The following ZBTB44 variants were observed in gnomAD, a reference collection of about 807,000 sequenced individuals.
ZBTB44 encodes zinc finger and BTB domain containing 44.
Under a neutral mutation model 54.0 loss-of-function variants are expected in ZBTB44, and 15 were observed. The observed-to-expected ratio is 0.28, with a 90% CI of 0.19 to 0.43. ZBTB44 has a LOEUF of 0.43. Ranked by LOEUF, ZBTB44 falls within the 20% of genes least tolerant of loss-of-function variation. The pLI is 1.00. For synonymous variants in ZBTB44, 230 were observed against 250.1 expected (o/e 0.92, Z 0.76); for missense variants, 487 against 707.1 (o/e 0.69, Z 3.53).
intron 2 of ZBTB44, among the ~76,000 whole-genome samples, chr11:130,242,918 CACT>C (rs1162212349): frequency 1.3e-5 from 2 of 152,170 alleles, no homozygotes; most frequent in Middle Eastern, 3.2e-3. Context: ...CAGTTTCCAC[CACT>C]GTGTCTCTCT....
intron 7 of ZBTB44, chr11:130,233,097 T>G (rs1327965273): frequency 1.7e-5 from 8 of 481,864 alleles, no homozygotes; most frequent in Non-Finnish European, 2.5e-5. Context: ...CAACAACACA[T>G]AAACCTATAT....
chr11:130,314,030 G>GA (rs1565346868), intron 1 of ZBTB44, among the ~76,000 whole-genome samples: 3 of 151,336 alleles, frequency 2.0e-5, no homozygotes, highest in South Asian at 2.1e-4. Context: ...GGGAAAGGAG[G>GA]AAAAAAAACA....
chr11:130,255,236 A>T (rs1373892168), intron 2 of ZBTB44, among the ~76,000 whole-genome samples: 1 of 152,104 alleles, frequency 6.6e-6, no homozygotes, highest in Non-Finnish European at 1.5e-5. Flanking sequence ...ATAATAATAT[A>T]ATAATAAAAG....
chr11:130,248,542 G>A lies in ZBTB44; in HGVS notation c.1019-8646C>T, dbSNP rs560689095. Among the ~76,000 whole-genome samples, 6 of 152,252 alleles carry A rather than the reference G, an allele frequency of 3.9e-5. No individual in the cohort carries two copies. The East Asian group carries it at 5.8e-4, about 15-fold the overall frequency. ...TGTAATCCCAGCTACTTGGGAGGCT[G>A]AGGCAGGACAATTACTTGAACTCAG... On this transcript the variant is annotated intron_variant, in intron 2 of 7. Coordinates refer to ENST00000357899, the MANE Select transcript of ZBTB44 (RefSeq NM_001301098.2).
chr11:130,295,869 A>T (rs1941610388), intron 1 of ZBTB44: 4 of 1,432,048 alleles, frequency 2.8e-6, no homozygotes, highest in Middle Eastern at 2.4e-4. Context: ...TTAAGGAGCT[A>T]AAGACTCACC....
intron 1 of ZBTB44, among the ~76,000 whole-genome samples, chr11:130,304,978 C>G (rs1438739346): frequency 6.6e-6 from 1 of 152,086 alleles, no homozygotes; most frequent in East Asian, 1.9e-4. Flanking sequence ...AGCCGAGAAT[C>G]AAATCAAGAA....
intron 1 of ZBTB44, among the ~76,000 whole-genome samples, chr11:130,270,295 T>C (rs767038948): frequency 3.3e-5 from 5 of 152,152 alleles, no homozygotes; most frequent in Non-Finnish European, 5.9e-5. Flanking sequence ...TTAAAACCCA[T>C]GAAGGACAGA....
At chr11:130,306,756 T>G (rs1262130325) in intron 1 of ZBTB44, among the ~76,000 whole-genome samples, 1 of 151,504 alleles carries the variant, frequency 6.6e-6, no homozygotes, top group Non-Finnish European at 1.5e-5. Context: ...TTGGATGGAG[T>G]TGTAAGCCAT....
In ZBTB44 at chr11:130,234,318, C is replaced by T. The variant is rs1190436748; in HGVS notation, c.1569-45G>A. 8 of 1,477,056 alleles carry T rather than the reference C, an allele frequency of 5.4e-6. No homozygotes were observed. Among genetic ancestry groups the T allele is most frequent in the Admixed American group, 5.1e-5 (2 of 38,950 alleles). 91.5% of individuals were successfully genotyped at this position (1,477,056 alleles called of 1,614,324 possible). A position where few individuals can be genotyped will look rare whatever the true frequency, so the allele number is the denominator to read the frequency against. Reference sequence around the variant, plus strand: ...TGAAATATGGAATTAATTTTCAAACCAGTAATAGATAAGCAACAGTAAAAA... The same window carrying T: ...TGAAATATGGAATTAATTTTCAAACTAGTAATAGATAAGCAACAGTAAAAA... On this transcript the variant is annotated intron_variant, in intron 5 of 7. Transcript: ENST00000357899.
chr11:130,293,746 A>T (rs150080866), intron 1 of ZBTB44, among the ~76,000 whole-genome samples: 739 of 152,034 alleles, frequency 4.9e-3, no homozygotes, highest in Non-Finnish European at 7.0e-3. Flanking sequence ...CCGTGGGCCA[A>T]GACTGCACCA....
intron 1 of ZBTB44, among the ~76,000 whole-genome samples, chr11:130,263,826 C>A (rs1418366419): frequency 6.6e-6 from 1 of 152,158 alleles, no homozygotes; most frequent in Non-Finnish European, 1.5e-5. Context: ...CATTCTACTT[C>A]CCTGCTTACT....
intron 2 of ZBTB44, among the ~76,000 whole-genome samples, chr11:130,249,791 C>T (rs1218567704): frequency 6.6e-6 from 1 of 152,168 alleles, no homozygotes; most frequent in African/African-American, 2.4e-5. Context: ...TCGTGTGCTA[C>T]ATCACTAGGG....
intron 1 of ZBTB44, among the ~76,000 whole-genome samples, chr11:130,303,049 T>C (rs1290239245): frequency 6.6e-6 from 1 of 152,230 alleles, no homozygotes; most frequent in Non-Finnish European, 1.5e-5. Context: ...ACTTATTCTT[T>C]ATTTTCTTAT....
intron 1 of ZBTB44, among the ~76,000 whole-genome samples, chr11:130,306,406 G>C (rs1942265711): frequency 4.6e-5 from 7 of 151,980 alleles, no homozygotes; most frequent in Admixed American, 4.6e-4. Context: ...GGAGGCTGAG[G>C]CAGGAGAATG....
chr11:130,313,924 ATG>A (rs909767246), intron 1 of ZBTB44, among the ~76,000 whole-genome samples: 2 of 86,360 alleles, frequency 2.3e-5, no homozygotes, highest in Middle Eastern at 6.7e-3. Flanking sequence ...GTGTGTGTGT[ATG>A]TGTGTGTGTG....
chr11:130,245,530 A>C (rs1167574341), intron 2 of ZBTB44, among the ~76,000 whole-genome samples: 1 of 152,234 alleles, frequency 6.6e-6, no homozygotes, highest in Non-Finnish European at 1.5e-5. Context: ...GACAGTATTA[A>C]AGCGTACAGA....
At chr11:130,264,377 C>T (rs1939099752) in intron 1 of ZBTB44, among the ~76,000 whole-genome samples, 3 of 152,168 alleles carry the variant, frequency 2.0e-5, no homozygotes, top group Admixed American at 2.0e-4. Flanking sequence ...AGGTAAACCA[C>T]ACCTAACTCT....
chr11:130,258,742 C>A (rs184193207), intron 2 of ZBTB44, among the ~76,000 whole-genome samples: 31 of 152,300 alleles, frequency 2.0e-4, no homozygotes, highest in African/African-American at 7.0e-4. Context: ...TGATACAAAG[C>A]ATTGCCCCTT....
Position 130,228,228 on chromosome 11 carries a change from G to C in ZBTB44, c.*3536C>G, listed in dbSNP as rs1402376709. On this transcript the variant is annotated 3_prime_UTR_variant, in exon 8 of 8. Transcript: ENST00000357899. ...CAAAACCAAATTTTACTCTATTAGG[G>C]ACCGTTGCTTTTTTAAAAAATACCT... is the stretch of plus-strand genomic sequence containing the variant. The C allele has an allele frequency of 6.6e-6, 1 of 152,130 alleles. No individual in the cohort carries two copies. Among genetic ancestry groups the C allele is most frequent in the Non-Finnish European group, 1.5e-5 (1 of 68,038 alleles). 9.4% of individuals were successfully genotyped at this position (152,130 alleles called of 1,614,324 possible). A position where few individuals can be genotyped will look rare whatever the true frequency, so the allele number is the denominator to read the frequency against.
Sources: gnomAD v4.1 joint callset for allele counts (sites outside exome capture counted in the v4.1 genomes callset) on GRCh38, gnomAD v4.1.1 for gene constraint, MANE v1.5 for transcripts, NCBI Gene and HGNC (gene_info 2026-07-23, HGNC 2026-07-21) for gene names.